The following AGBL4 variants were observed in gnomAD, a reference collection of about 807,000 sequenced individuals.
AGBL4 encodes the protein cytosolic carboxypeptidase 6.
A neutral mutation model predicts 66.4 loss-of-function variants in AGBL4; 58 were observed. The observed-to-expected ratio is 0.87, with a 90% CI of 0.71 to 1.09. The LOEUF is 1.09. AGBL4 is among the 50% of genes least tolerant of loss of function. The probability of loss-of-function intolerance (pLI) is 0.00; values close to 1 mark genes in which losing one functional copy is unlikely to be tolerated. For missense variants in AGBL4, 579 were observed against 631.0 expected, an observed-to-expected ratio of 0.92 and a Z score of 0.88; for synonymous variants, 234 against 222.9, an observed-to-expected ratio of 1.05 and a Z score of -0.44.
intron 6 of AGBL4, among the ~76,000 whole-genome samples, chr1:48,664,559 C>T (rs924354136): frequency 2.0e-5 from 3 of 152,156 alleles, no homozygotes; most frequent in Non-Finnish European, 4.4e-5. Flanking sequence ...AAGCCCAACT[C>T]TCTTTAAAGG....
chr1:49,206,467 T>C (rs1247219912), intron 4 of AGBL4, among the ~76,000 whole-genome samples: 2 of 152,120 alleles, frequency 1.3e-5, no homozygotes, highest in East Asian at 3.9e-4. Flanking sequence ...CTTCATTACA[T>C]TTCTCTCCAA....
At chr1:49,591,459 TG>T (rs1207478392) in intron 3 of AGBL4, among the ~76,000 whole-genome samples, 1 of 152,080 alleles carries the variant, frequency 6.6e-6, no homozygotes, top group Non-Finnish European at 1.5e-5. Context: ...TGAATAGGCC[TG>T]TATTAAGTAA....
chr1:49,301,158 C>G (rs548761553), intron 3 of AGBL4, among the ~76,000 whole-genome samples: 2 of 152,294 alleles, frequency 1.3e-5, no homozygotes, highest in Non-Finnish European at 2.9e-5. Context: ...TGATCAGTAT[C>G]TCTCAATTTA....
intron 4 of AGBL4, among the ~76,000 whole-genome samples, chr1:49,138,992 G>T (rs1646065855): frequency 6.6e-6 from 1 of 152,102 alleles, no homozygotes. Context: ...AAAAGGGGAA[G>T]CAAGCACCTT....
chr1:49,152,662 C>A (rs922113140), intron 4 of AGBL4, among the ~76,000 whole-genome samples: 1 of 152,162 alleles, frequency 6.6e-6, no homozygotes, highest in Admixed American at 6.6e-5. Context: ...CAAATTAATG[C>A]AGTTTTCATT....
intron 5 of AGBL4, among the ~76,000 whole-genome samples, chr1:48,939,618 C>T (rs1339873722): frequency 1.3e-5 from 2 of 152,156 alleles, no homozygotes; most frequent in African/African-American, 4.8e-5. Context: ...CAGCCATCTT[C>T]CTATCCCTGA....
rs145163230 is a variant in AGBL4 at position 48,717,114 on chromosome 1, C to T, written c.635-53873G>A. Among the ~76,000 whole-genome samples the T allele has an allele frequency of 4.2e-3, 633 of 152,308 alleles. 5 individuals are homozygous for T. Among genetic ancestry groups the T allele is most frequent in the African/African-American group, 0.014 (594 of 41,560 alleles). On this transcript the variant is annotated intron_variant, in intron 6 of 13. Transcript: ENST00000371839. ...GTGCAGTGCCCCATCCCCACACACCCGGTACCCTCCCAGGTAGAATAAATC... is the reference window on the plus strand; with the variant it reads ...GTGCAGTGCCCCATCCCCACACACCTGGTACCCTCCCAGGTAGAATAAATC...
intron 1 of AGBL4, among the ~76,000 whole-genome samples, chr1:49,887,915 C>T (rs1026113633): frequency 1.3e-5 from 2 of 152,042 alleles, no homozygotes; most frequent in Non-Finnish European, 2.9e-5. Flanking sequence ...AAACTGCAAC[C>T]TTCAAACATG....
intron 5 of AGBL4, among the ~76,000 whole-genome samples, chr1:48,964,123 C>A (rs570378286): frequency 3.2e-4 from 49 of 152,256 alleles, no homozygotes; most frequent in African/African-American, 1.2e-3. Flanking sequence ...ATGCTACAAG[C>A]AAAAGAGTGA....
chr1:49,714,532 C>T (rs1246014481), intron 2 of AGBL4, among the ~76,000 whole-genome samples: 1 of 149,856 alleles, frequency 6.7e-6, no homozygotes, highest in Non-Finnish European at 1.5e-5. Context: ...CTACAAAAGA[C>T]ATGACTTTAC....
intron 5 of AGBL4, 52 bp from the exon 6 acceptor site, chr1:48,867,282 T>C: frequency 6.3e-7 from 1 of 1,596,324 alleles, no homozygotes; most frequent in South Asian, 1.1e-5. Context: ...GAGCCAAAAT[T>C]GTGCTTAGCA....
At chr1:49,845,890 G>A (rs1646129271) in intron 2 of AGBL4, 2 of 1,417,578 alleles carry the variant, frequency 1.4e-6, no homozygotes, top group African/African-American at 2.8e-5. Context: ...TCACACACCA[G>A]CAAATCCACA....
intron 3 of AGBL4, among the ~76,000 whole-genome samples, chr1:49,690,328 C>T (rs1390420392): frequency 1.3e-5 from 2 of 151,966 alleles, no homozygotes; most frequent in Non-Finnish European, 2.9e-5. Context: ...CTGAAGTATG[C>T]CTGTATGTTA....
intron 2 of AGBL4, among the ~76,000 whole-genome samples, chr1:49,704,136 T>A (rs1382092031): frequency 6.6e-6 from 1 of 152,050 alleles, no homozygotes; most frequent in Non-Finnish European, 1.5e-5. Flanking sequence ...GGAACCACAA[T>A]CAAATTCTGG....
chr1:49,127,869 AG>A (rs1423477497), intron 4 of AGBL4, among the ~76,000 whole-genome samples: 2 of 152,146 alleles, frequency 1.3e-5, no homozygotes, highest in Non-Finnish European at 2.9e-5. Context: ...TTATAGCCAA[AG>A]AAAAACCAAA....
At chr1:48,976,574 T>C (rs1306488481) in intron 5 of AGBL4, among the ~76,000 whole-genome samples, 3 of 152,190 alleles carry the variant, frequency 2.0e-5, no homozygotes, top group Non-Finnish European at 2.9e-5. Flanking sequence ...TATTTACCTA[T>C]GGTGTCCTAC....
chr1:48,907,769 G>A (rs1652750810), intron 5 of AGBL4, among the ~76,000 whole-genome samples: 1 of 152,142 alleles, frequency 6.6e-6, no homozygotes, highest in African/African-American at 2.4e-5. Context: ...TGATATAGTT[G>A]GGGATGCACT....
At chr1:49,948,232 A>G (rs1655619805) in intron 1 of AGBL4, among the ~76,000 whole-genome samples, 1 of 101,702 alleles carries the variant, frequency 9.8e-6, no homozygotes, top group South Asian at 2.7e-4. Flanking sequence ...AAATATATAT[A>G]AATATATAAA....
At chr1:49,771,368 A>T (rs1207623372) in intron 2 of AGBL4, among the ~76,000 whole-genome samples, 1 of 152,108 alleles carries the variant, frequency 6.6e-6, no homozygotes, top group African/African-American at 2.4e-5. Context: ...GATACATGAT[A>T]TGGCATCTAT....
Sources: gnomAD v4.1 joint callset for allele counts (sites outside exome capture counted in the v4.1 genomes callset) on GRCh38, gnomAD v4.1.1 for gene constraint, MANE v1.5 for transcripts, NCBI Gene and HGNC (gene_info 2026-07-23, HGNC 2026-07-21) for gene names.